Variants in COLGALT2 observed in about 807,000 individuals in gnomAD.
COLGALT2 encodes collagen beta(1-O)galactosyltransferase 2, also known as procollagen galactosyltransferase 2.
Under a neutral mutation model 73.4 loss-of-function variants are expected in COLGALT2, and 49 were observed. The observed-to-expected ratio is 0.67, with a 90% CI of 0.53 to 0.85. The LOEUF is 0.85. Among genes scored for constraint, COLGALT2 ranks in the 40% least tolerant of loss-of-function variants. The pLI, the probability that COLGALT2 is intolerant of heterozygous loss-of-function variation, is 0.00. For missense variants in COLGALT2, 722 were observed against 790.2 expected, an observed-to-expected ratio of 0.91 and a Z score of 1.03; for synonymous variants, 295 against 307.6, an observed-to-expected ratio of 0.96 and a Z score of 0.43.
intron 1 of COLGALT2, among the ~76,000 whole-genome samples, chr1:183,988,981 G>A (rs1671562241): frequency 6.6e-6 from 1 of 152,154 alleles, no homozygotes; most frequent in Non-Finnish European, 1.5e-5. Context: ...AACATTTAAA[G>A]TAATTTTCCT....
At position 183,990,366 on chromosome 1, in the gene COLGALT2, G is replaced by C. The variant is rs1671598846; in HGVS notation, c.264-11846C>G. Among the ~76,000 whole-genome samples, 6 of 152,214 alleles carry C rather than the reference G, an allele frequency of 3.9e-5. No homozygotes were observed. The South Asian group carries it at 1.2e-3, about 31-fold the overall frequency. ...TAAAAACACCTGTACAGTTCCCTCA[G>C]TTCAACAGACACTGGCTATGCATGT... On this transcript the variant is annotated intron_variant, in intron 1 of 11. Transcript: ENST00000361927.
chr1:183,968,558 G>A (rs1670941662), intron 5 of COLGALT2, among the ~76,000 whole-genome samples: 1 of 152,214 alleles, frequency 6.6e-6, no homozygotes. Flanking sequence ...TGCAGTGCAT[G>A]CATGCAGAGA....
At chr1:183,997,760 A>G (rs1210698263) in intron 1 of COLGALT2, among the ~76,000 whole-genome samples, 2 of 152,242 alleles carry the variant, frequency 1.3e-5, no homozygotes, top group East Asian at 3.8e-4. Flanking sequence ...TGAACTTTAT[A>G]TAAATAGATT....
At position 183,937,566 on chromosome 1, in the gene COLGALT2, G is replaced by C. The variant is rs1669989249; in HGVS notation, c.*1195C>G. On this transcript the variant is annotated 3_prime_UTR_variant, in exon 12 of 12. Coordinates refer to ENST00000361927, the MANE Select transcript of COLGALT2 (RefSeq NM_015101.4). ...CTGACCAGGTTTCTCACCTGAGATA[G>C]AGAATCATTTGTTTCCAAATAGTTC... is the stretch of plus-strand genomic sequence containing the variant. 1.0e-6 allele frequency: 1 copy of C among 985,322 alleles called. No individual in the cohort carries two copies. Among genetic ancestry groups the C allele is most frequent in the Non-Finnish European group, 1.2e-6 (1 of 829,920 alleles). The allele number at this position is 985,322 out of a possible 1,614,324, so 61.0% of individuals were successfully genotyped here. A position where few individuals can be genotyped will look rare whatever the true frequency, so the allele number is the denominator to read the frequency against.
At chr1:183,931,489 C>G (rs927951017), downstream of COLGALT2, among the ~76,000 whole-genome samples, 15 of 152,138 alleles carry the variant, frequency 9.9e-5, no homozygotes, top group Non-Finnish European at 1.6e-4. Context: ...CATTTCTGAT[C>G]TGTAGTCTCG....
chr1:184,023,235 C>T (rs754879608), intron 1 of COLGALT2, among the ~76,000 whole-genome samples: 1 of 152,148 alleles, frequency 6.6e-6, no homozygotes. Flanking sequence ...TTCAGTCTCC[C>T]ATATCTCTAC....
chr1:184,005,080 G>A (rs554999697), intron 1 of COLGALT2, among the ~76,000 whole-genome samples: 61 of 152,282 alleles, frequency 4.0e-4, no homozygotes, highest in African/African-American at 1.4e-3. Flanking sequence ...GAGGGCTCCC[G>A]CAAGTGATCC....
chr1:183,935,718 TCA>T, downstream of COLGALT2: 7 of 374,240 alleles, frequency 1.9e-5, no homozygotes, highest in Non-Finnish European at 2.6e-5. Flanking sequence ...GCCATGGGGA[TCA>T]CACAGCAGTG....
Position 183,940,600 on chromosome 1 carries a change from T to C in COLGALT2, c.1585A>G (p.Met529Val), listed in dbSNP as rs374917733. 1.2e-6 allele frequency: 2 copies of C among 1,614,112 alleles called. No homozygotes were observed. Among genetic ancestry groups the C allele is most frequent in the African/African-American group, 1.3e-5 (1 of 74,936 alleles). Residue 529 changes from methionine to valine, a missense_variant, in exon 11 of 12, where the codon ATG becomes GTG. Transcript: ENST00000361927. ...MLPVDEFLPV[M>V]YNKHPVAEYK... ...ACTCACACGGGATGCTTGTTGTACATGACTGGCAGAAACTCATCCACTGGC... is the reference window on the plus strand; with the variant it reads ...ACTCACACGGGATGCTTGTTGTACACGACTGGCAGAAACTCATCCACTGGC...
intron 1 of COLGALT2, among the ~76,000 whole-genome samples, chr1:184,030,001 A>G (rs992617013): frequency 6.6e-6 from 1 of 152,264 alleles, no homozygotes; most frequent in Admixed American, 6.5e-5. Context: ...CTAGAAAAAT[A>G]TGAAAGAAAG....
At chr1:183,981,663 TATA>T (rs1671355920) in intron 1 of COLGALT2, among the ~76,000 whole-genome samples, 1 of 152,066 alleles carries the variant, frequency 6.6e-6, no homozygotes, top group Admixed American at 6.6e-5. Flanking sequence ...TCTCAATAAA[TATA>T]ATAAATAAAT....
chr1:183,990,688 A>G lies in COLGALT2; in HGVS notation c.264-12168T>C. On this transcript the variant is annotated intron_variant, in intron 1 of 11. Transcript: ENST00000361927. ...AAGGTAGAAAGAAGAATGTTCCAGA[A>G]AAAGGAACAACATATGTGGAGGCAG... is the stretch of plus-strand genomic sequence containing the variant. Among the ~76,000 whole-genome samples the G allele has an allele frequency of 1.3e-5, 2 of 152,236 alleles. 1 individual carries two copies.
intron 5 of COLGALT2, among the ~76,000 whole-genome samples, chr1:183,965,933 A>G (rs538711161): frequency 6.6e-6 from 1 of 152,364 alleles, no homozygotes; most frequent in Non-Finnish European, 1.5e-5. Context: ...GTTTGCATGC[A>G]GAGGGCAAAA....
At chr1:184,009,959 T>C (rs1352458577) in intron 1 of COLGALT2, among the ~76,000 whole-genome samples, 1 of 152,210 alleles carries the variant, frequency 6.6e-6, no homozygotes, top group Non-Finnish European at 1.5e-5. Flanking sequence ...CCAGTTTCCA[T>C]ACACTCATCA....
At position 183,936,965 on chromosome 1, in the gene COLGALT2, C is replaced by G; in HGVS notation, c.*1796G>C. On this transcript the variant is annotated 3_prime_UTR_variant, in exon 12 of 12. Coordinates refer to ENST00000361927, the MANE Select transcript of COLGALT2 (RefSeq NM_015101.4). ...CCCTCACCTGGGGAGATGAGGCTGC[C>G]TTGACTACCTATTTGGTGATGAGAC... 1 of 1,231,764 alleles carries G rather than the reference C, an allele frequency of 8.1e-7. No homozygotes were observed. Among genetic ancestry groups the G allele is most frequent in the Non-Finnish European group, 1.0e-6 (1 of 987,976 alleles). 76.3% of individuals were successfully genotyped at this position (1,231,764 alleles called of 1,614,324 possible).
At chr1:183,943,233 C>T (rs1043514838) in intron 10 of COLGALT2, among the ~76,000 whole-genome samples, 1 of 152,182 alleles carries the variant, frequency 6.6e-6, no homozygotes, top group African/African-American at 2.4e-5. Flanking sequence ...TCTGAGGGAA[C>T]AAGTATTCCA....
chr1:184,006,745 A>G (rs1353757783), intron 1 of COLGALT2, among the ~76,000 whole-genome samples: 2 of 152,132 alleles, frequency 1.3e-5, no homozygotes, highest in African/African-American at 4.8e-5. Context: ...CCACATCTTC[A>G]CCAACCCTGC....
chr1:184,003,119 G>A (rs1671975051), intron 1 of COLGALT2, among the ~76,000 whole-genome samples: 1 of 152,050 alleles, frequency 6.6e-6, no homozygotes, highest in African/African-American at 2.4e-5. Context: ...CCACATTTCA[G>A]GGGGAAAGAT....
Position 183,975,336 on chromosome 1 carries a change from G to A in COLGALT2, c.375-122C>T. The A allele has an allele frequency of 6.6e-6, 4 of 604,774 alleles. No individual in the cohort carries two copies. The South Asian group carries it at 9.4e-5, about 14-fold the overall frequency. The allele number at this position is 604,774 out of a possible 1,614,324, so 37.5% of individuals were successfully genotyped here. On this transcript the variant is annotated intron_variant, in intron 2 of 11. Coordinates refer to ENST00000361927, the MANE Select transcript of COLGALT2 (RefSeq NM_015101.4). ...CCAGGAAGTAGATACTATTATTATT[G>A]TTATCATCATCCCCATATTACAGAT...
Sources: allele counts gnomAD v4.1 joint callset (sites outside exome capture counted in the v4.1 genomes callset), GRCh38; gene constraint gnomAD v4.1.1; transcripts MANE v1.5; gene names NCBI Gene and HGNC (gene_info 2026-07-23, HGNC 2026-07-21).